Variants in CCDC88A observed in about 807,000 individuals in gnomAD.
CCDC88A encodes the protein girdin.
In CCDC88A, 54 loss-of-function variants were observed where a neutral mutation model predicts 234.3. That is an observed-to-expected ratio of 0.23 (90% CI 0.19 to 0.29). CCDC88A has a LOEUF of 0.29. Ranked by LOEUF, CCDC88A falls within the 10% of genes least tolerant of loss-of-function variation. CCDC88A has a pLI of 1.00. For missense variants in CCDC88A, 1,832 were observed against 2,123.4 expected (o/e 0.86, Z 2.70); for synonymous variants, 753 against 737.8 (o/e 1.02, Z -0.33).
In CCDC88A at chr2:55,343,669, T is replaced by C; in HGVS notation, c.1312A>G (p.Arg438Gly). The C allele has an allele frequency of 1.2e-6, 2 of 1,608,292 alleles. No individual in the cohort carries two copies. Among genetic ancestry groups the C allele is most frequent in the East Asian group, 2.2e-5 (1 of 44,686 alleles). ...ATACCTTCGGAAAGTTCACTAGTTC[T>C]GGATATCTGTTCCAGTTCCCAGCCA... ...HLGWELEQIS[R>G]TSELSEAPQK... Residue 438 changes from arginine (R) to glycine (G), a missense_variant, in exon 12 of 33, where the codon AGA (arginine) becomes GGA (glycine). By Grantham distance (125) the Arg-to-Gly change is moderately radical. Around this residue, in one of 6 missense-constraint regions of CCDC88A, gnomAD observed 1,282 missense variants for 1,543.6 expected, o/e 0.83. Transcript: ENST00000436346.
chr2:55,345,984 T>A, intron 10 of CCDC88A, 191 bp downstream of exon 10: 1 of 422,204 alleles, frequency 2.4e-6, no homozygotes, highest in South Asian at 6.1e-5. Context: ...AAATTAGTAA[T>A]ATCCATAGAT....
intron 2 of CCDC88A, among the ~76,000 whole-genome samples, chr2:55,400,777 G>C (rs11125567): frequency 6.6e-6 from 1 of 151,934 alleles, no homozygotes; most frequent in East Asian, 1.9e-4. Flanking sequence ...ATGTCCTCTT[G>C]GACCATCTGT....
intron 2 of CCDC88A, among the ~76,000 whole-genome samples, chr2:55,391,434 T>G (rs1676626068): frequency 6.6e-6 from 1 of 151,980 alleles, no homozygotes; most frequent in African/African-American, 2.4e-5. Context: ...ATGTGATCTA[T>G]AACCAGGAAA....
chr2:55,394,171 A>T (rs1677133704), intron 2 of CCDC88A: 2 of 152,212 alleles, frequency 1.3e-5, no homozygotes, highest in African/African-American at 4.8e-5. Context: ...GAGTGAGAAC[A>T]TGCGGTGTTT....
chr2:55,405,554 TCCC>T (rs1399996373), intron 2 of CCDC88A: 2 of 152,250 alleles, frequency 1.3e-5, no homozygotes, highest in African/African-American at 4.8e-5. Flanking sequence ...TGCTTCAGGG[TCCC>T]CAACCCCTGG....
intron 7 of CCDC88A, among the ~76,000 whole-genome samples, chr2:55,358,050 C>G (rs985282342): frequency 6.6e-6 from 1 of 152,106 alleles, no homozygotes; most frequent in African/African-American, 2.4e-5. Flanking sequence ...AGAGATTATT[C>G]CTGGCTACTT....
intron 7 of CCDC88A, 147 bp downstream of exon 7, chr2:55,362,161 T>G (rs1226101390): frequency 1.8e-6 from 1 of 559,724 alleles, no homozygotes; most frequent in African/African-American, 2.0e-5. Context: ...TTATACATCC[T>G]TTCAGGTTCC....
chr2:55,293,418 T>C (rs1679662913), intron 31 of CCDC88A: 1 of 152,218 alleles, frequency 6.6e-6, no homozygotes, highest in Admixed American at 6.6e-5. Flanking sequence ...AATAGAAGGA[T>C]GCAAAAAGTA....
In CCDC88A at chr2:55,318,962, G is replaced by C. The variant is rs1381612923; in HGVS notation, c.3205C>G (p.Leu1069Val). The C allele has an allele frequency of 6.2e-7, 1 of 1,613,310 alleles. No individual in the cohort carries two copies. The highest frequency in any genetic ancestry group is 1.7e-5 in the Admixed American group (1 of 59,990). ...QAEKQALKTQLKQLETQNNNL... is the reference protein window; with the variant it reads ...QAEKQALKTQVKQLETQNNNL... ...TTGTTCTGTGTCTCAAGTTGCTTCA[G>C]TTGAGTTTTCAACGCTTGCTTCTCT... The change falls in exon 19 of 33, where the codon CTG becomes GTG. Residue 1069 changes from leucine to valine, a missense_variant. Transcript: ENST00000436346.
At position 55,418,999 on chromosome 2, in the gene CCDC88A, A is replaced by G; in HGVS notation, c.63+18T>C. ...CAAATAACTCAGCAAAATATACAAT[A>G]AAGGACACCCCACTTACCCAAGTGA... On this transcript the variant is annotated intron_variant, in intron 1 of 32. Coordinates refer to ENST00000436346, the MANE Select transcript of CCDC88A (RefSeq NM_001365480.1). The G allele has an allele frequency of 6.2e-7, 1 of 1,608,768 alleles. No individual in the cohort carries two copies. The highest frequency in any genetic ancestry group is 8.5e-7 in the Non-Finnish European group (1 of 1,175,128).
At chr2:55,322,454 A>G (rs1339784873) in intron 18 of CCDC88A, 74 bp downstream of exon 18, 13 of 831,648 alleles carry the variant, frequency 1.6e-5, no homozygotes, top group Middle Eastern at 3.6e-4. Flanking sequence ...TAGAAAATGT[A>G]TCTAAGATAA....
chr2:55,302,168 T>C, intron 26 of CCDC88A, 96 bp from the exon 27 acceptor site: 1 of 892,664 alleles, frequency 1.1e-6, no homozygotes, highest in Non-Finnish European at 1.8e-6. Context: ...TGTCTATGAA[T>C]TAATGCAAAT....
intron 29 of CCDC88A, among the ~76,000 whole-genome samples, chr2:55,298,154 A>G (rs1468007773): frequency 2.6e-5 from 4 of 152,230 alleles, no homozygotes; most frequent in Non-Finnish European, 5.9e-5. Context: ...GATCACGAAC[A>G]AACTGTACAT....
intron 3 of CCDC88A, among the ~76,000 whole-genome samples, chr2:55,379,912 TC>T (rs1269392049): frequency 6.7e-6 from 1 of 150,022 alleles, no homozygotes; most frequent in Non-Finnish European, 1.5e-5. Flanking sequence ...AAACTCCGTC[TC>T]TAAATAAATA....
rs531958886 is a variant in CCDC88A, at chr2:55,299,915, T to C, written c.4749A>G (p.Ser1583=). The change falls in exon 29 of 33, where the codon TCA becomes TCG. Residue 1583 remains serine (S), a synonymous_variant. Transcript: ENST00000436346. ...DSSTGSRVHA[S]RPASLDSGRT... is the part of the protein sequence containing the mutation. ...TGCCACTATCAAGGCTGGCTGGTCT[T>C]GAAGCTAAATGAAAAAACCAGGAGA... is the stretch of plus-strand genomic sequence containing the variant. 1 of 1,612,298 alleles carries C rather than the reference T, an allele frequency of 6.2e-7. No homozygotes were observed. The highest frequency in any genetic ancestry group is 1.3e-5 in the African/African-American group (1 of 75,006).
chr2:55,374,635 AC>A (rs1409227599), intron 4 of CCDC88A, among the ~76,000 whole-genome samples, 178 bp downstream of exon 4: 2 of 152,186 alleles, frequency 1.3e-5, no homozygotes, highest in Non-Finnish European at 2.9e-5. Flanking sequence ...GTCTGGTCTT[AC>A]CTATAACTTA....
At position 55,380,061 on chromosome 2, in the gene CCDC88A, T is replaced by TAAAAAA. The variant is rs57314271; in HGVS notation, c.274-5184_274-5179dup. Among the ~76,000 whole-genome samples the TAAAAAA allele has an allele frequency of 4.0e-5, 3 of 75,390 alleles. 1 individual carries two copies. The highest frequency in any genetic ancestry group is 1.1e-4 in the African/African-American group (2 of 17,940). The allele number at this position is 75,390 out of a possible 152,430, so 49.5% of individuals were successfully genotyped here. ...CAGGATGGCAAAGCCCTGTCTCTACTAAAAAAAAAAAAAAAAAAAAAAAAA... is the reference window on the plus strand; with the variant it reads ...CAGGATGGCAAAGCCCTGTCTCTACTAAAAAAAAAAAAAAAAAAAAAAAAAAAAAAA... On this transcript the variant is annotated intron_variant, in intron 3 of 32. Coordinates refer to ENST00000436346, the MANE Select transcript of CCDC88A (RefSeq NM_001365480.1).
intron 32 of CCDC88A, 125 bp downstream of exon 32, chr2:55,291,550 GA>G (rs1191042811): frequency 9.0e-6 from 4 of 442,476 alleles, no homozygotes; most frequent in African/African-American, 6.1e-5. Context: ...AAGTAGAACA[GA>G]AAGTCAATGA....
intron 22 of CCDC88A, chr2:55,315,433 A>G (rs1009823401): frequency 2.0e-5 from 3 of 152,276 alleles, no homozygotes; most frequent in Admixed American, 1.3e-4. Flanking sequence ...GTTGGGTTCT[A>G]GAGTCCTAAC....
Sources: gnomAD v4.1 joint callset for allele counts (sites outside exome capture counted in the v4.1 genomes callset) on GRCh38, gnomAD v4.1.1 for gene constraint, gnomAD v4.1.1 regional missense constraint, MANE v1.5 for transcripts, NCBI Gene and HGNC (gene_info 2026-07-23, HGNC 2026-07-21) for gene names.